STIM2: variants seen among roughly 807,000 people sequenced by gnomAD.
STIM2 encodes the protein stromal interaction molecule 2.
A neutral mutation model predicts 85.8 loss-of-function variants in STIM2; 31 were observed. That is an observed-to-expected ratio of 0.36 (90% CI 0.27 to 0.49). The LOEUF (loss-of-function observed/expected upper bound fraction) is 0.49, where lower values mean the gene tolerates loss of function less well. Ranked by LOEUF, STIM2 falls within the 20% of genes least tolerant of loss-of-function variation. The pLI is 0.98. For synonymous variants in STIM2, 356 were observed against 331.1 expected, an observed-to-expected ratio of 1.08 and a Z score of -0.82; for missense variants, 841 against 927.6, an observed-to-expected ratio of 0.91 and a Z score of 1.21.
At chr4:26,976,160 C>T (rs1219829794) in intron 3 of STIM2, among the ~76,000 whole-genome samples, 1 of 152,066 alleles carries the variant, frequency 6.6e-6, no homozygotes, top group East Asian at 1.9e-4. Context: ...GTCATGGCTT[C>T]CCTTGGCTAG....
chr4:26,929,873 C>T (rs1408650508), intron 2 of STIM2, among the ~76,000 whole-genome samples: 1 of 151,556 alleles, frequency 6.6e-6, no homozygotes, highest in Admixed American at 6.6e-5. Context: ...GGATCATTAT[C>T]AGTTAGAGAT....
intron 1 of STIM2, among the ~76,000 whole-genome samples, chr4:26,864,177 C>T (rs1006340467): frequency 2.3e-4 from 35 of 151,938 alleles, no homozygotes; most frequent in Non-Finnish European, 1.3e-4. Context: ...TTTCAGAATT[C>T]AGTGTGCAAA....
At position 27,003,115 on chromosome 4, in the gene STIM2, TAAA is replaced by T; in HGVS notation, c.981+19_981+21del. 7.2e-7 allele frequency: 1 copy of T among 1,384,204 alleles called. No individual in the cohort carries two copies. Among genetic ancestry groups the T allele is most frequent in the Non-Finnish European group, 9.7e-7 (1 of 1,034,840 alleles). The allele number at this position is 1,384,204 out of a possible 1,614,324, so 85.7% of individuals were successfully genotyped here. A position where few individuals can be genotyped will look rare whatever the true frequency, so the allele number is the denominator to read the frequency against. On this transcript the variant is annotated intron_variant, in intron 7 of 11. Coordinates refer to ENST00000467087, the MANE Select transcript of STIM2 (RefSeq NM_020860.4). ...CAGGAATTGGAACAGGTATTTACATTAAAAAAAAAATCACTTGTAAAGATGTTA... is the reference window on the plus strand; with the variant it reads ...CAGGAATTGGAACAGGTATTTACATTAAAAAAATCACTTGTAAAGATGTTA...
intron 1 of STIM2, among the ~76,000 whole-genome samples, chr4:26,906,650 T>C (rs1044745339): frequency 6.6e-6 from 1 of 152,112 alleles, no homozygotes; most frequent in African/African-American, 2.4e-5. Flanking sequence ...CATGAGAATA[T>C]CTGTTTTTCT....
chr4:26,860,863 C>T lies in STIM2; in HGVS notation c.-356C>T. The T allele has an allele frequency of 1.2e-6, 1 of 852,484 alleles. No individual in the cohort carries two copies. The highest frequency in any genetic ancestry group is 1.4e-6 in the Non-Finnish European group (1 of 699,688). The allele number at this position is 852,484 out of a possible 1,614,324, so 52.8% of individuals were successfully genotyped here. A position where few individuals can be genotyped will look rare whatever the true frequency, so the allele number is the denominator to read the frequency against. ...GCCAGAGCAGCGGATCCCGGTCTCG[C>T]CGCAGCAGCAGCGCGGGTGTCGTGC... On this transcript the variant is annotated 5_prime_UTR_variant, in exon 1 of 12. Coordinates refer to ENST00000467087, the MANE Select transcript of STIM2 (RefSeq NM_020860.4).
At chr4:26,934,228 T>TA (rs771246922) in intron 2 of STIM2, among the ~76,000 whole-genome samples, 1 of 151,986 alleles carries the variant, frequency 6.6e-6, no homozygotes, top group Non-Finnish European at 1.5e-5. Context: ...AAATATAGAT[T>TA]AAAAAAATGA....
rs919510246 is a variant in STIM2, at chr4:27,024,311, C to T, written c.*1315C>T. ...ATATAGCAACAAAGTATGTTAACATCTAGGGAGTTTCTGCTTATACCACTT... is the reference window on the plus strand; with the variant it reads ...ATATAGCAACAAAGTATGTTAACATTTAGGGAGTTTCTGCTTATACCACTT... On this transcript the variant is annotated 3_prime_UTR_variant, in exon 12 of 12. Coordinates refer to ENST00000467087, the MANE Select transcript of STIM2 (RefSeq NM_020860.4). 4.6e-5 allele frequency: 7 copies of T among 152,086 alleles called. No individual in the cohort carries two copies. Among genetic ancestry groups the T allele is most frequent in the African/African-American group, 9.7e-5 (4 of 41,398 alleles). The allele number at this position is 152,086 out of a possible 1,614,324, so 9.4% of individuals were successfully genotyped here.
chr4:26,947,587 C>T (rs190620942), intron 2 of STIM2, among the ~76,000 whole-genome samples: 1 of 152,116 alleles, frequency 6.6e-6, no homozygotes, highest in Admixed American at 6.5e-5. Flanking sequence ...AGGCTTTCTC[C>T]AGCCCTCCAT....
intron 3 of STIM2, among the ~76,000 whole-genome samples, chr4:26,992,030 TC>T (rs1347860100): frequency 2.0e-5 from 3 of 152,078 alleles, no homozygotes; most frequent in African/African-American, 7.2e-5. Context: ...CTATAAAAGA[TC>T]AGTGAGAGGC....
chr4:26,958,137 C>T (rs1726320034), intron 3 of STIM2, among the ~76,000 whole-genome samples: 1 of 151,958 alleles, frequency 6.6e-6, no homozygotes, highest in Admixed American at 6.6e-5. Context: ...TAAGTAAATC[C>T]TTTATGATGT....
chr4:26,917,703 T>C (rs1297278778), intron 1 of STIM2, among the ~76,000 whole-genome samples: 2 of 152,166 alleles, frequency 1.3e-5, no homozygotes, highest in African/African-American at 4.8e-5. Context: ...CAACAAGGCC[T>C]ATTTAACCAG....
chr4:26,957,969 G>A (rs551991185), intron 3 of STIM2, among the ~76,000 whole-genome samples: 1 of 152,136 alleles, frequency 6.6e-6, no homozygotes, highest in Non-Finnish European at 1.5e-5. Flanking sequence ...GATAATGCAT[G>A]TCTGAGAGCC....
At chr4:26,894,472 T>C (rs1407795890) in intron 1 of STIM2, among the ~76,000 whole-genome samples, 1 of 152,214 alleles carries the variant, frequency 6.6e-6, no homozygotes, top group Non-Finnish European at 1.5e-5. Flanking sequence ...ATTTTGTGTT[T>C]TTTGAGAATC....
chr4:26,913,762 T>C (rs1577434429), intron 1 of STIM2, among the ~76,000 whole-genome samples: 1 of 152,366 alleles, frequency 6.6e-6, no homozygotes, highest in East Asian at 1.9e-4. Flanking sequence ...AGATAAGTAA[T>C]TTAGTAAACA....
intron 11 of STIM2, among the ~76,000 whole-genome samples, chr4:27,020,510 A>G (rs1036805544): frequency 1.3e-5 from 2 of 152,228 alleles, no homozygotes; most frequent in African/African-American, 4.8e-5. Context: ...TGAAACCATT[A>G]GGTCGTTATT....
At chr4:26,976,665 GGT>G (rs1560227066) in intron 3 of STIM2, among the ~76,000 whole-genome samples, 1 of 151,848 alleles carries the variant, frequency 6.6e-6, no homozygotes, top group Non-Finnish European at 1.5e-5. Context: ...AAATTAGCTG[GGT>G]GTGGTGCGCA....
At chr4:26,968,514 G>A (rs1726816999) in intron 3 of STIM2, among the ~76,000 whole-genome samples, 1 of 152,140 alleles carries the variant, frequency 6.6e-6, no homozygotes, top group African/African-American at 2.4e-5. Context: ...GCCAGGGTCT[G>A]TGGGGAGGAG....
At chr4:26,997,741 T>TACAGAGATAGA (rs1728010455) in intron 4 of STIM2, among the ~76,000 whole-genome samples, 1 of 152,210 alleles carries the variant, frequency 6.6e-6, no homozygotes, top group Non-Finnish European at 1.5e-5. Context: ...AGATACGACA[T>TACAGAGATAGA]AGTCTTTGCC....
chr4:27,017,658 T>A, intron 10 of STIM2, 53 bp from the exon 11 acceptor site: 1 of 1,602,328 alleles, frequency 6.2e-7, no homozygotes, highest in African/African-American at 1.3e-5. Flanking sequence ...TTGTGGTGAC[T>A]GTAAAGGGAA....
Sources: allele counts gnomAD v4.1 joint callset (sites outside exome capture counted in the v4.1 genomes callset), GRCh38; gene constraint gnomAD v4.1.1; transcripts MANE v1.5; gene names NCBI Gene and HGNC (gene_info 2026-07-23, HGNC 2026-07-21).